PCDH15: variants seen among roughly 807,000 people sequenced by gnomAD.
The protein encoded by PCDH15 is protocadherin related 15, also known as protocadherin-15.
A neutral mutation model predicts 178.5 loss-of-function variants in PCDH15; 129 were observed. That is an observed-to-expected ratio of 0.72 (90% CI 0.63 to 0.84). The LOEUF (loss-of-function observed/expected upper bound fraction) is 0.84. PCDH15 is among the 40% of genes least tolerant of loss of function. The pLI, the probability that PCDH15 is intolerant of heterozygous loss-of-function variation, is 0.00. For missense variants in PCDH15, 2,230 were observed against 2,099.9 expected (o/e 1.06, Z -1.21); for synonymous variants, 800 against 732.0 (o/e 1.09, Z -1.50).
chr10:55,176,757 CA>C (rs1450920617), intron 1 of PCDH15, among the ~76,000 whole-genome samples: 2 of 152,098 alleles, frequency 1.3e-5, no homozygotes, highest in African/African-American at 4.8e-5. Context: ...CTAAATTGTT[CA>C]CAGTCCTGGA....
intron 3 of PCDH15, among the ~76,000 whole-genome samples, chr10:54,406,752 G>A (rs1307509478): frequency 2.6e-5 from 4 of 151,956 alleles, no homozygotes; most frequent in South Asian, 2.1e-4. Context: ...TAACAAACAC[G>A]AAATTAATCA....
rs371401675 is a variant in PCDH15 at position 55,158,849 on chromosome 10, GT to G, written c.-80+7726del. 6.9e-4 allele frequency among the ~76,000 whole-genome samples: 103 copies of G among 149,998 alleles called. 2 individuals carry two copies. The highest frequency in any genetic ancestry group is 5.5e-3 in the East Asian group (28 of 5,070). ...CTTTATGTGGAAATGTGTGTGGGGT[GT>G]GTGTGTCAGAAAGAAAGGGAGAGAG... On this transcript the variant is annotated intron_variant, in intron 2 of 5. Transcript: ENST00000458638.
intron 3 of PCDH15, among the ~76,000 whole-genome samples, chr10:54,524,117 A>T (rs1303044294): frequency 6.6e-6 from 1 of 152,350 alleles, no homozygotes; most frequent in African/African-American, 2.4e-5. Context: ...CTTTTAAAAA[A>T]TTATACAATC....
intron 13 of PCDH15, among the ~76,000 whole-genome samples, chr10:54,162,019 G>A (rs2045764488): frequency 2.6e-5 from 4 of 151,998 alleles, no homozygotes; most frequent in Admixed American, 2.6e-4. Flanking sequence ...ACATACATGA[G>A]GACATGTAAA....
intron 3 of PCDH15, among the ~76,000 whole-genome samples, chr10:54,880,629 A>C (rs1954245342): frequency 6.6e-6 from 1 of 151,864 alleles, no homozygotes; most frequent in Non-Finnish European, 1.5e-5. Flanking sequence ...TGTTCAAAAT[A>C]ATATATTTTT....
chr10:55,583,870 T>C (rs981844802), intron 2 of PCDH15, among the ~76,000 whole-genome samples: 4 of 152,014 alleles, frequency 2.6e-5, no homozygotes, highest in African/African-American at 9.7e-5. Flanking sequence ...TAATATTTTA[T>C]ATATATACAA....
intron 2 of PCDH15, among the ~76,000 whole-genome samples, chr10:54,624,854 T>C (rs1374897120): frequency 6.6e-6 from 1 of 152,162 alleles, no homozygotes; most frequent in Non-Finnish European, 1.5e-5. Flanking sequence ...CTGTCAATGT[T>C]CCCATCACCC....
chr10:54,665,465 G>C (rs1253923172), intron 1 of PCDH15, among the ~76,000 whole-genome samples: 1 of 151,934 alleles, frequency 6.6e-6, no homozygotes, highest in East Asian at 1.9e-4. Context: ...GACTAGCTGA[G>C]GATAAGGTTT....
At chr10:55,093,826 T>C (rs1331140857) in intron 2 of PCDH15, among the ~76,000 whole-genome samples, 2 of 152,046 alleles carry the variant, frequency 1.3e-5, no homozygotes, top group Non-Finnish European at 2.9e-5. Context: ...GAAATGCAAA[T>C]CAAAACCACA....
chr10:54,106,232 C>A (rs2136205554), intron 15 of PCDH15, among the ~76,000 whole-genome samples: 1 of 152,290 alleles, frequency 6.6e-6, no homozygotes, highest in Admixed American at 6.5e-5. Context: ...ATACTAAAAA[C>A]ATTAAATTGT....
intron 3 of PCDH15, among the ~76,000 whole-genome samples, chr10:54,505,954 A>C (rs935706508): frequency 4.6e-5 from 7 of 152,130 alleles, no homozygotes; most frequent in Non-Finnish European, 8.8e-5. Context: ...ATTTAACATG[A>C]TCATTGTTTA....
At chr10:54,207,199 C>T (rs570811533) in intron 10 of PCDH15, among the ~76,000 whole-genome samples, 28 of 152,214 alleles carry the variant, frequency 1.8e-4, no homozygotes, top group South Asian at 4.1e-4. Context: ...GCATGAATAA[C>T]GATATGAGAC....
chr10:55,140,520 C>T (rs564210027), intron 2 of PCDH15, among the ~76,000 whole-genome samples: 9 of 151,918 alleles, frequency 5.9e-5, no homozygotes, highest in South Asian at 4.1e-4. Context: ...TTAATTTGCA[C>T]GTATTGAACT....
intron 3 of PCDH15, among the ~76,000 whole-genome samples, chr10:54,408,956 T>A (rs1331851027): frequency 2.0e-5 from 3 of 152,096 alleles, no homozygotes; most frequent in Non-Finnish European, 4.4e-5. Flanking sequence ...AAATTGTAGC[T>A]CCCATAATTC....
At chr10:54,230,446 A>G (rs1427822429) in intron 9 of PCDH15, among the ~76,000 whole-genome samples, 1 of 152,200 alleles carries the variant, frequency 6.6e-6, no homozygotes, top group African/African-American at 2.4e-5. Context: ...TACAAAATGA[A>G]ATATGGTAAC....
chr10:54,117,367 T>C (rs961122839), intron 15 of PCDH15, among the ~76,000 whole-genome samples: 1 of 152,086 alleles, frequency 6.6e-6, no homozygotes, highest in Non-Finnish European at 1.5e-5. Flanking sequence ...AGCTTGGAGA[T>C]GCCAGGAACT....
intron 5 of PCDH15, among the ~76,000 whole-genome samples, chr10:54,354,954 T>G (rs997175290): frequency 6.6e-5 from 10 of 152,060 alleles, no homozygotes; most frequent in African/African-American, 2.4e-4. Context: ...TCAAATTAGA[T>G]AGATTCAGAG....
At chr10:54,858,547 T>C (rs1350562251) in intron 3 of PCDH15, among the ~76,000 whole-genome samples, 1 of 152,104 alleles carries the variant, frequency 6.6e-6, no homozygotes, top group Non-Finnish European at 1.5e-5. Flanking sequence ...AATTTTGGTG[T>C]TCTGTAGAAT....
Position 54,236,940 on chromosome 10 carries a change from A to C in PCDH15, c.877-9T>G. 6.2e-7 allele frequency: 1 copy of C among 1,603,200 alleles called. No homozygotes were observed. The highest frequency in any genetic ancestry group is 8.5e-7 in the Non-Finnish European group (1 of 1,170,226). ...ATGGGGTTCAGTTCTTCCTGAAAAA[A>C]AAATTAAGAGAGTTTCATTCAGCCG... is the stretch of plus-strand genomic sequence containing the variant. On this transcript the variant is annotated splice_polypyrimidine_tract_variant and intron_variant, in intron 8 of 37. Transcript: ENST00000644397.
Sources: gnomAD v4.1 joint callset for allele counts (sites outside exome capture counted in the v4.1 genomes callset) on GRCh38, gnomAD v4.1.1 for gene constraint, MANE v1.5 for transcripts, NCBI Gene and HGNC (gene_info 2026-07-23, HGNC 2026-07-21) for gene names.